ZNF224: variants seen among roughly 807,000 people sequenced by gnomAD.
ZNF224 encodes zinc finger protein 224.
Under a neutral mutation model 10.5 loss-of-function variants are expected in ZNF224, and 8 were observed. The observed-to-expected ratio is 0.76, with a 90% CI of 0.45 to 1.37. The LOEUF (loss-of-function observed/expected upper bound fraction) is 1.37. ZNF224 is among the 40% of genes most tolerant of loss of function. The pLI is 0.00. For synonymous variants in ZNF224, 282 were observed against 287.8 expected, an observed-to-expected ratio of 0.98 and a Z score of 0.20; for missense variants, 754 against 854.0, an observed-to-expected ratio of 0.88 and a Z score of 1.46.
In ZNF224 at chr19:44,107,684, A is replaced by G; in HGVS notation, c.1524A>G (p.Gly508=). 1 of 1,614,132 alleles carries G rather than the reference A, an allele frequency of 6.2e-7. No individual in the cohort carries two copies. Among genetic ancestry groups the G allele is most frequent in the Non-Finnish European group, 8.5e-7 (1 of 1,180,034 alleles). The part of the protein sequence containing the change: ...HLHSHQRVHT[G]EKPYKCEKCG... ...ATTCCCATCAGAGAGTTCACACTGG[A>G]GAAAAGCCATACAAATGTGAGAAGT... The change falls in exon 6 of 6, where the codon GGA becomes GGG. Residue 508 remains glycine (G), a synonymous_variant. Coordinates refer to ENST00000693561, the MANE Select transcript of ZNF224 (RefSeq NM_001321645.3).
At chr19:44,097,624 G>C in intron 2 of ZNF224, 182 bp from the exon 3 acceptor site, 1 of 487,726 alleles carries the variant, frequency 2.1e-6, no homozygotes, top group South Asian at 3.3e-5. Context: ...TGTATGGATA[G>C]ACCATGATTT....
chr19:44,106,339 G>A, intron 5 of ZNF224, 57 bp from the exon 6 acceptor site: 2 of 1,578,408 alleles, frequency 1.3e-6, no homozygotes, highest in Non-Finnish European at 8.7e-7. Flanking sequence ...GTGAAATCTT[G>A]ATAACACTGA....
intron 5 of ZNF224, among the ~76,000 whole-genome samples, chr19:44,104,535 A>G (rs1396943284): frequency 2.6e-5 from 4 of 152,238 alleles, no homozygotes; most frequent in Admixed American, 2.6e-4. Context: ...AAAATAAGAA[A>G]CAGTTCTGGG....
Position 44,107,093 on chromosome 19 carries a change from G to C in ZNF224, c.933G>C (p.Thr311=). Reference sequence around the variant, plus strand: ...TTAATAGGCATTCCATGGTTCACACGGCAGAGAAACCATTCCGATGTGATA... The same window carrying C: ...TTAATAGGCATTCCATGGTTCACACCGCAGAGAAACCATTCCGATGTGATA... The part of the protein sequence containing the change: ...SRLNRHSMVH[T]AEKPFRCDTC... Residue 311 remains threonine, a synonymous_variant, in exon 6 of 6, where the codon ACG becomes ACC. Transcript: ENST00000693561. 1 of 1,602,200 alleles carries C rather than the reference G, an allele frequency of 6.2e-7. No individual in the cohort carries two copies. The highest frequency in any genetic ancestry group is 8.5e-7 in the Non-Finnish European group (1 of 1,173,592).
intron 3 of ZNF224, among the ~76,000 whole-genome samples, chr19:44,100,194 A>G (rs991421145): frequency 2.6e-5 from 4 of 152,242 alleles, no homozygotes; most frequent in African/African-American, 4.8e-5. Context: ...ATTCAGGCCA[A>G]CTTGTCCAAG....
At chr19:44,099,263 G>T (rs1396556146) in intron 3 of ZNF224, among the ~76,000 whole-genome samples, 3 of 152,052 alleles carry the variant, frequency 2.0e-5, no homozygotes, top group Non-Finnish European at 2.9e-5. Flanking sequence ...AGCACTTCAG[G>T]CACCCAAGGA....
chr19:44,107,110 G>T lies in ZNF224; in HGVS notation c.950G>T (p.Arg317Leu), dbSNP rs764457758. The T allele has an allele frequency of 1.2e-6, 2 of 1,604,318 alleles. No individual in the cohort carries two copies. Among genetic ancestry groups the T allele is most frequent in the African/African-American group, 1.3e-5 (1 of 74,770 alleles). Residue 317 changes from arginine to leucine, a missense_variant, in exon 6 of 6, where the codon CGA becomes CTA. Physicochemically the swap from Arg to Leu is moderately radical, Grantham distance 102 (BLOSUM62 -2). Transcript: ENST00000693561. ...SMVHTAEKPF[R>L]CDTCDKSFRQ... ...GTTCACACGGCAGAGAAACCATTCC[G>T]ATGTGATACGTGTGATAAGAGCTTT... is the stretch of plus-strand genomic sequence containing the variant.
At chr19:44,105,107 T>C (rs1307313355) in intron 5 of ZNF224, among the ~76,000 whole-genome samples, 1 of 152,178 alleles carries the variant, frequency 6.6e-6, no homozygotes, top group Non-Finnish European at 1.5e-5. Context: ...CTTTGTGACA[T>C]AGGGGGCACC....
At chr19:44,095,499 G>A (rs1430438607) in intron 1 of ZNF224, 1 of 152,168 alleles carries the variant, frequency 6.6e-6, no homozygotes, top group African/African-American at 2.4e-5. Context: ...GGTGGGGAAA[G>A]CAAGACTTAG....
At chr19:44,100,302 T>C (rs1967520656) in intron 3 of ZNF224, among the ~76,000 whole-genome samples, 1 of 152,162 alleles carries the variant, frequency 6.6e-6, no homozygotes, top group Non-Finnish European at 1.5e-5. Flanking sequence ...GTATGTAGTT[T>C]TTGCCTGGAG....
Position 44,107,626 on chromosome 19 carries a change from G to T in ZNF224, c.1466G>T (p.Cys489Phe), listed in dbSNP as rs183116442. ...GAAAAACCATTCCAATGTGAAGAGT[G>T]TGGGAAGAGATTTACTCAAAATTCA... ...SGEKPFQCEE[C>F]GKRFTQNSHL... Residue 489 changes from cysteine to phenylalanine, a missense_variant, in exon 6 of 6, where the codon TGT becomes TTT. Coordinates refer to ENST00000693561, the MANE Select transcript of ZNF224 (RefSeq NM_001321645.3). 15 of 1,614,080 alleles carry T rather than the reference G, an allele frequency of 9.3e-6. No homozygotes were observed. In the African/African-American group the frequency reaches 1.7e-4, roughly 19 times the overall value.
intron 5 of ZNF224, among the ~76,000 whole-genome samples, chr19:44,102,029 A>C (rs912557412): frequency 1.3e-5 from 2 of 152,118 alleles, no homozygotes; most frequent in Non-Finnish European, 2.9e-5. Flanking sequence ...AGCAACCTTA[A>C]TTGCATCTAC....
rs752417119 is a variant in ZNF224, at chr19:44,106,416, A to G, written c.256A>G (p.Met86Val). Reference sequence around the variant, plus strand: ...GATAGGAGACAAGATCCAAACTGAGATGGAGACTGTTTCAGAAGCAGGAAC... The same window carrying G: ...GATAGGAGACAAGATCCAAACTGAGGTGGAGACTGTTTCAGAAGCAGGAAC... Reference protein sequence around the residue: ...GNSGDKIQTEMETVSEAGTHQ... With the variant: ...GNSGDKIQTEVETVSEAGTHQ... Residue 86 changes from methionine to valine, a missense_variant, in exon 6 of 6, where the codon ATG (methionine) becomes GTG (valine). Physicochemically the swap from Met to Val is conservative, Grantham distance 21. Transcript: ENST00000693561. 1.9e-6 allele frequency: 3 copies of G among 1,614,158 alleles called. No homozygotes were observed. The highest frequency in any genetic ancestry group is 3.3e-5 in the Admixed American group (2 of 60,028).
chr19:44,109,387 A>G lies in ZNF224; in HGVS notation c.*1103A>G, dbSNP rs1967781502. ...AATGACAGCTTTTGTCAACCTTCTT[A>G]TCCAATATTCTTCCACCAACGCTAT... On this transcript the variant is annotated 3_prime_UTR_variant, in exon 6 of 6. Transcript: ENST00000693561. 1 of 151,654 alleles carries G rather than the reference A, an allele frequency of 6.6e-6. No individual in the cohort carries two copies. Among genetic ancestry groups the G allele is most frequent in the African/African-American group, 2.4e-5 (1 of 41,210 alleles). 9.4% of individuals were successfully genotyped at this position (151,654 alleles called of 1,614,324 possible). A position where few individuals can be genotyped will look rare whatever the true frequency, so the allele number is the denominator to read the frequency against.
chr19:44,107,186 AC>A lies in ZNF224; in HGVS notation c.1028del (p.Pro343HisfsTer46). ...ATCGCATGATCCACACAGGAGAGAA[AC>A]CATACAAATGTGAGGAGTGTGGAAA... ...SHRMIHTGEKPYKCEECGKGF... is the reference protein window; with the variant it reads ...SHRMIHTGEKXYKCEECGKGF... On this transcript the variant is annotated frameshift_variant, in exon 6 of 6. Transcript: ENST00000693561. LOFTEE classifies it low-confidence loss of function (END_TRUNC). 2 of 1,606,448 alleles carry A rather than the reference AC, an allele frequency of 1.2e-6. No individual in the cohort carries two copies. The highest frequency in any genetic ancestry group is 1.1e-5 in the South Asian group (1 of 89,890).
At chr19:44,103,470 T>C (rs893868427) in intron 5 of ZNF224, among the ~76,000 whole-genome samples, 3 of 152,192 alleles carry the variant, frequency 2.0e-5, no homozygotes, top group African/African-American at 7.2e-5. Flanking sequence ...TTTTCATGCA[T>C]GTAGATGTCT....
chr19:44,101,213 G>A lies in ZNF224; in HGVS notation c.223G>A (p.Glu75Lys), dbSNP rs1395160686. 2.5e-6 allele frequency: 4 copies of A among 1,613,942 alleles called. No homozygotes were observed. The East Asian group carries it at 8.9e-5, about 36-fold the overall frequency. The change falls in exon 5 of 6, where the codon GAA (glutamate) becomes AAA (lysine). Residue 75 changes from glutamate (E) to lysine (K), a missense_variant. By Grantham distance (56) the Glu-to-Lys change is moderately conservative (BLOSUM62 1). Coordinates refer to ENST00000693561, the MANE Select transcript of ZNF224 (RefSeq NM_001321645.3). ...IWMMKTAIQREGNSGDKIQTE... is the reference protein window; with the variant it reads ...IWMMKTAIQRKGNSGDKIQTE... ...GATGATGAAGACAGCAATCCAAAGGGAAGGGAATTCAGGTAAGAATCAAGC... is the reference window on the plus strand; with the variant it reads ...GATGATGAAGACAGCAATCCAAAGGAAAGGGAATTCAGGTAAGAATCAAGC...
rs756778173 is a variant in ZNF224 at position 44,108,314 on chromosome 19, C to G, written c.*30C>G. The G allele has an allele frequency of 1.7e-5, 27 of 1,571,408 alleles. No individual in the cohort carries two copies. In the African/African-American group the frequency reaches 3.3e-4, roughly 19 times the overall value. Reference sequence around the variant, plus strand: ...GTGATGGTGCAATAAAGTCTTCACTCAGTCTTCATGAATGCAGTCTCATCT... The same window carrying G: ...GTGATGGTGCAATAAAGTCTTCACTGAGTCTTCATGAATGCAGTCTCATCT... On this transcript the variant is annotated 3_prime_UTR_variant, in exon 6 of 6. Coordinates refer to ENST00000693561, the MANE Select transcript of ZNF224 (RefSeq NM_001321645.3).
In ZNF224 at chr19:44,096,746, A is replaced by G. The variant is rs555848281; in HGVS notation, c.-69+315A>G. Among the ~76,000 whole-genome samples, 4 of 152,292 alleles carry G rather than the reference A, an allele frequency of 2.6e-5. No individual in the cohort carries two copies. In the East Asian group the frequency reaches 7.7e-4, roughly 29 times the overall value. On this transcript the variant is annotated intron_variant, in intron 2 of 5. Transcript: ENST00000693561. ...CATTGCCTTTAATTGTCACATTTCC[A>G]TAATCTTTAATCTTGAGGATTCTAC...
Sources: allele counts gnomAD v4.1 joint callset (sites outside exome capture counted in the v4.1 genomes callset), GRCh38; gene constraint gnomAD v4.1.1; transcripts MANE v1.5; gene names NCBI Gene and HGNC (gene_info 2026-07-23, HGNC 2026-07-21).